Variants in RANBP3 observed in about 807,000 individuals in gnomAD.
The protein encoded by RANBP3 is RAN binding protein 3, also known as ran-binding protein 3.
A neutral mutation model predicts 77.3 loss-of-function variants in RANBP3; 14 were observed. The observed-to-expected ratio is 0.18, with a 90% CI of 0.12 to 0.28. RANBP3 has a LOEUF of 0.28. RANBP3 is among the 10% of genes least tolerant of loss of function. RANBP3 has a pLI of 1.00. For missense variants in RANBP3, 586 were observed against 752.3 expected (o/e 0.78, Z 2.59); for synonymous variants, 315 against 312.4 (o/e 1.01, Z -0.09).
rs1328163712 is a variant in RANBP3 at position 5,917,290 on chromosome 19, C to T, written c.*320G>A. 7.2e-6 allele frequency: 3 copies of T among 415,618 alleles called. No individual in the cohort carries two copies. The highest frequency in any genetic ancestry group is 1.3e-5 in the Non-Finnish European group (3 of 228,888). 25.7% of individuals were successfully genotyped at this position (415,618 alleles called of 1,614,324 possible). On this transcript the variant is annotated 3_prime_UTR_variant, in exon 17 of 17. Transcript: ENST00000340578. ...GCTGGACCCAGAGGCTGGCGACACG[C>T]GGGGTGAAGGAACGAGGTCTCCAGT...
intron 2 of RANBP3, among the ~76,000 whole-genome samples, chr19:5,953,772 C>T (rs1258970579): frequency 1.3e-5 from 2 of 152,180 alleles, no homozygotes; most frequent in African/African-American, 2.4e-5. Context: ...GCAGGCGTTT[C>T]GATGAGACAG....
At chr19:5,966,026 C>T (rs2058464257) in intron 1 of RANBP3, 1 of 152,250 alleles carries the variant, frequency 6.6e-6, no homozygotes, top group Non-Finnish European at 1.5e-5. Context: ...GCCCATGCTC[C>T]TGAGTGCCAC....
chr19:5,918,310 A>G, intron 15 of RANBP3, 186 bp downstream of exon 15: 2 of 717,446 alleles, frequency 2.8e-6, no homozygotes, highest in Non-Finnish European at 4.5e-6. Context: ...AGAAGAGGAC[A>G]AGGACCATGA....
chr19:5,930,008 C>T (rs1350251031), intron 8 of RANBP3, among the ~76,000 whole-genome samples: 2 of 152,208 alleles, frequency 1.3e-5, no homozygotes, highest in East Asian at 3.9e-4. Context: ...GACTCCGTCC[C>T]CTGGGATGGG....
In RANBP3 at chr19:5,917,117, G is replaced by A. The variant is rs758428021; in HGVS notation, c.*493C>T. The A allele has an allele frequency of 2.7e-5, 5 of 188,376 alleles. No homozygotes were observed. Among genetic ancestry groups the A allele is most frequent in the Admixed American group, 6.0e-5 (1 of 16,672 alleles). 11.7% of individuals were successfully genotyped at this position (188,376 alleles called of 1,614,324 possible). ...TCCAATGGGCCCAGTGTCTACACTC[G>A]TACGAGCAGCCCCCCAAGCTGGGCG... On this transcript the variant is annotated 3_prime_UTR_variant, in exon 17 of 17. Coordinates refer to ENST00000340578, the MANE Select transcript of RANBP3 (RefSeq NM_007322.3).
rs1295775543 is a variant in RANBP3, at chr19:5,958,041, G to C, written c.23-68C>G. The C allele has an allele frequency of 2.2e-6, 3 of 1,360,602 alleles. No homozygotes were observed. In the African/African-American group the frequency reaches 4.3e-5, roughly 20 times the overall value. The allele number at this position is 1,360,602 out of a possible 1,614,324, so 84.3% of individuals were successfully genotyped here. On this transcript the variant is annotated intron_variant, in intron 1 of 16. Transcript: ENST00000340578. The surrounding 1 kb of genome is among the most constrained non-coding windows in gnomAD (Gnocchi z 4.4). The stretch of plus-strand genomic sequence containing the variant: ...GCATACAGTAAACAAAGCTACACTT[G>C]TTTGTAATATGTTAAACATATATAT...
chr19:5,923,990 C>G, intron 11 of RANBP3, 76 bp from the exon 12 acceptor site: 1 of 1,175,892 alleles, frequency 8.5e-7, no homozygotes, highest in East Asian at 2.4e-5. Flanking sequence ...CACCTCTCTG[C>G]CTGGCCCCCA....
intron 1 of RANBP3, among the ~76,000 whole-genome samples, chr19:5,963,914 A>G (rs1380570326): frequency 2.6e-5 from 4 of 152,104 alleles, no homozygotes; most frequent in Non-Finnish European, 5.9e-5. Flanking sequence ...CCCAGACAGC[A>G]CCCAGCCTGA....
chr19:5,971,621 C>A (rs113339460), intron 1 of RANBP3, among the ~76,000 whole-genome samples: 4 of 152,326 alleles, frequency 2.6e-5, no homozygotes, highest in East Asian at 1.9e-4. Flanking sequence ...AACTTGCAGT[C>A]CCCTTGAAAA....
At chr19:5,925,544 G>A in intron 10 of RANBP3, 90 bp downstream of exon 10, 1 of 1,142,264 alleles carries the variant, frequency 8.8e-7, no homozygotes, top group Admixed American at 1.8e-5. Flanking sequence ...CCTGAGTCGG[G>A]CACGGGGACC....
intron 7 of RANBP3, 64 bp downstream of exon 7, chr19:5,932,388 G>A: frequency 7.6e-7 from 1 of 1,311,236 alleles, no homozygotes; most frequent in Non-Finnish European, 1.1e-6. Flanking sequence ...GCTGTCCCGG[G>A]TGCGACTTCG....
intron 1 of RANBP3, among the ~76,000 whole-genome samples, chr19:5,968,446 C>G (rs952103584): frequency 3.3e-5 from 5 of 152,198 alleles, no homozygotes; most frequent in Non-Finnish European, 7.3e-5. Context: ...GCTGCACATG[C>G]CGTGTTTGGG....
In RANBP3 at chr19:5,935,747, T is replaced by C. The variant is rs1279459737; in HGVS notation, c.407-2268A>G. On this transcript the variant is annotated intron_variant, in intron 5 of 16. Coordinates refer to ENST00000340578, the MANE Select transcript of RANBP3 (RefSeq NM_007322.3). The stretch of plus-strand genomic sequence containing the variant: ...AGAGCTGCAGACAGACAAGGCGTGC[T>C]CCAGGGGTAGCCAAAATCTGGAGGT... 6.6e-6 allele frequency: 3 copies of C among 456,738 alleles called. 1 individual carries two copies. The highest frequency in any genetic ancestry group is 4.6e-5 in the South Asian group (3 of 64,574). 28.3% of individuals were successfully genotyped at this position (456,738 alleles called of 1,614,324 possible). A position where few individuals can be genotyped will look rare whatever the true frequency, so the allele number is the denominator to read the frequency against.
intron 5 of RANBP3, among the ~76,000 whole-genome samples, chr19:5,935,059 G>A (rs943182581): frequency 5.3e-5 from 8 of 152,096 alleles, no homozygotes; most frequent in Non-Finnish European, 1.0e-4. Context: ...CGTGATGGTC[G>A]CACAACTCTG....
chr19:5,936,241 G>A lies in RANBP3; in HGVS notation c.407-2762C>T, dbSNP rs187956025. Among the ~76,000 whole-genome samples the A allele has an allele frequency of 2.0e-4, 30 of 152,392 alleles. No individual in the cohort carries two copies. In the East Asian group the frequency reaches 5.8e-3, roughly 29 times the overall value. On this transcript the variant is annotated intron_variant, in intron 5 of 16. Transcript: ENST00000340578. Reference sequence around the variant, plus strand: ...GAGGCTCAGCCATGCGGTGGGCAGGGAGTGATGCCTGATGCACAGAGGACA... The same window carrying A: ...GAGGCTCAGCCATGCGGTGGGCAGGAAGTGATGCCTGATGCACAGAGGACA...
At chr19:5,945,627 G>A (rs2058194347) in intron 3 of RANBP3, among the ~76,000 whole-genome samples, 2 of 152,170 alleles carry the variant, frequency 1.3e-5, no homozygotes, top group African/African-American at 4.8e-5. Flanking sequence ...ATTACTCAAA[G>A]TGTGGTACCG....
intron 16 of RANBP3, 46 bp from the exon 17 acceptor site, chr19:5,917,699 C>G: frequency 6.3e-7 from 1 of 1,593,106 alleles, no homozygotes; most frequent in Non-Finnish European, 8.5e-7. Flanking sequence ...CCCGCACTTC[C>G]CAGGTCTGGC....
At chr19:5,923,054 T>C in intron 13 of RANBP3, 140 bp downstream of exon 13, 1 of 663,306 alleles carries the variant, frequency 1.5e-6, no homozygotes, top group Non-Finnish European at 2.6e-6. Flanking sequence ...ACCAACAAAG[T>C]CCCAGAGCGT....
chr19:5,965,994 G>A (rs2058463636), intron 1 of RANBP3: 1 of 152,190 alleles, frequency 6.6e-6, no homozygotes, highest in Non-Finnish European at 1.5e-5. Flanking sequence ...TTCGGGCCAG[G>A]TGGGCCGACT....
Sources: allele counts gnomAD v4.1 joint callset (sites outside exome capture counted in the v4.1 genomes callset), GRCh38; gene constraint gnomAD v4.1.1; non-coding constraint Gnocchi (gnomAD v3.1); transcripts MANE v1.5; gene names NCBI Gene and HGNC (gene_info 2026-07-23, HGNC 2026-07-21).